Variants in ULK4 observed in about 807,000 individuals in gnomAD.
ULK4 encodes unc-51 like kinase 4, also known as inactive serine/threonine-protein kinase ULK4.
ULK4 carries 133 observed loss-of-function variants against 160.6 expected under a neutral mutation model. That is an observed-to-expected ratio of 0.83 (90% confidence interval 0.72 to 0.96). ULK4 has a LOEUF of 0.96. Ranked by LOEUF, ULK4 falls within the 40% of genes least tolerant of loss-of-function variation. ULK4 has a pLI of 0.00. For synonymous variants in ULK4, 534 were observed against 539.8 expected, an observed-to-expected ratio of 0.99 and a Z score of 0.15; for missense variants, 1,580 against 1,499.5, an observed-to-expected ratio of 1.05 and a Z score of -0.89.
At chr3:41,490,018 G>A (rs551350030) in intron 32 of ULK4, among the ~76,000 whole-genome samples, 6 of 152,222 alleles carry the variant, frequency 3.9e-5, no homozygotes, top group Non-Finnish European at 1.5e-5. Flanking sequence ...TGAAACCTTG[G>A]TGGCAATGCT....
chr3:41,378,005 A>G (rs1301058361), intron 35 of ULK4, among the ~76,000 whole-genome samples: 3 of 151,872 alleles, frequency 2.0e-5, no homozygotes. Flanking sequence ...CTGGATTAAG[A>G]AAATGTGGCA....
chr3:41,862,562 T>G (rs2042524423), intron 17 of ULK4, among the ~76,000 whole-genome samples: 1 of 152,206 alleles, frequency 6.6e-6, no homozygotes, highest in African/African-American at 2.4e-5. Context: ...TTTCGGATAT[T>G]TGAAAGGACT....
At chr3:41,373,872 A>G (rs2081423293) in intron 35 of ULK4, among the ~76,000 whole-genome samples, 1 of 152,218 alleles carries the variant, frequency 6.6e-6, no homozygotes, top group Non-Finnish European at 1.5e-5. Flanking sequence ...AAGATTAACA[A>G]AACAGATGGA....
At chr3:41,689,170 T>G (rs1020141252) in intron 27 of ULK4, among the ~76,000 whole-genome samples, 2 of 152,210 alleles carry the variant, frequency 1.3e-5, no homozygotes, top group African/African-American at 4.8e-5. Context: ...TGCCTTTAAG[T>G]CTCTGCCAAA....
intron 30 of ULK4, among the ~76,000 whole-genome samples, chr3:41,646,832 A>G (rs556200485): frequency 4.7e-4 from 71 of 152,328 alleles, no homozygotes; most frequent in Non-Finnish European, 7.9e-4. Context: ...AGGTACACCA[A>G]TCAGATACAG....
intron 18 of ULK4, among the ~76,000 whole-genome samples, chr3:41,835,382 G>C (rs1278173680): frequency 6.6e-6 from 1 of 152,100 alleles, no homozygotes; most frequent in Non-Finnish European, 1.5e-5. Context: ...ATTTTGGCTT[G>C]TTGAATTCAG....
chr3:41,458,335 G>A (rs1386593527), intron 33 of ULK4, among the ~76,000 whole-genome samples: 2 of 152,098 alleles, frequency 1.3e-5, no homozygotes, highest in Non-Finnish European at 2.9e-5. Flanking sequence ...TTTACATTGC[G>A]AACGTGCAAC....
intron 17 of ULK4, among the ~76,000 whole-genome samples, chr3:41,847,785 C>A (rs2042106315): frequency 6.6e-6 from 1 of 152,104 alleles, no homozygotes; most frequent in South Asian, 2.1e-4. Context: ...CCTTTGGATG[C>A]TGTGTATTTG....
chr3:41,531,823 G>A (rs2086330853), intron 32 of ULK4, among the ~76,000 whole-genome samples: 1 of 152,178 alleles, frequency 6.6e-6, no homozygotes, highest in Non-Finnish European at 1.5e-5. Flanking sequence ...TTCAAAGGTG[G>A]AGTATGCTGC....
chr3:41,763,180 A>C (rs937533090), intron 21 of ULK4, among the ~76,000 whole-genome samples: 14 of 152,336 alleles, frequency 9.2e-5, no homozygotes, highest in Admixed American at 2.6e-4. Context: ...AAATGAAAAA[A>C]TATGCAACCC....
At chr3:41,826,863 T>A (rs544092787) in intron 18 of ULK4, among the ~76,000 whole-genome samples, 6 of 143,532 alleles carry the variant, frequency 4.2e-5, no homozygotes, top group Non-Finnish European at 7.5e-5. Flanking sequence ...TACATTTTTT[T>A]CAGCACCACA....
intron 35 of ULK4, among the ~76,000 whole-genome samples, 160 bp from the exon 36 acceptor site, chr3:41,249,734 C>G (rs1000089182): frequency 2.0e-5 from 3 of 152,130 alleles, no homozygotes; most frequent in African/African-American, 7.2e-5. Context: ...TGCGTAACCT[C>G]CCCCACAGAG....
chr3:41,772,210 A>G (rs1207928637), intron 21 of ULK4, among the ~76,000 whole-genome samples: 1 of 152,214 alleles, frequency 6.6e-6, no homozygotes, highest in Non-Finnish European at 1.5e-5. Flanking sequence ...GCAAGAAATA[A>G]CTATGATCAG....
intron 30 of ULK4, among the ~76,000 whole-genome samples, chr3:41,651,441 A>G (rs1258828867): frequency 2.0e-5 from 3 of 152,150 alleles, no homozygotes; most frequent in Non-Finnish European, 4.4e-5. Flanking sequence ...GTTTAAGTTG[A>G]TTTCCTTGTT....
intron 25 of ULK4, among the ~76,000 whole-genome samples, 184 bp downstream of exon 25, chr3:41,715,053 A>C (rs1468969895): frequency 6.6e-6 from 1 of 152,156 alleles, no homozygotes; most frequent in Admixed American, 6.5e-5. Context: ...TCAGGAGAGA[A>C]TGTGTTTTCT....
chr3:41,717,012 A>G (rs1386857316), intron 23 of ULK4, among the ~76,000 whole-genome samples: 1 of 152,188 alleles, frequency 6.6e-6, no homozygotes, highest in East Asian at 1.9e-4. Flanking sequence ...ATGGCAGTAG[A>G]AAATGGAAAG....
intron 5 of ULK4, 21 bp from the exon 6 acceptor site, chr3:41,919,839 A>G: frequency 6.3e-7 from 1 of 1,575,808 alleles, no homozygotes; most frequent in Non-Finnish European, 8.7e-7. Context: ...AGTATGAAGA[A>G]CAGCTCGGTT....
intron 35 of ULK4, among the ~76,000 whole-genome samples, chr3:41,391,551 CTTCTGA>C (rs758479204): frequency 2.6e-5 from 4 of 151,762 alleles, no homozygotes; most frequent in African/African-American, 7.3e-5. Flanking sequence ...AAGAGTGCCT[CTTCTGA>C]TTCTAAGTTC....
At chr3:41,927,259 C>T (rs200415479) in intron 5 of ULK4, among the ~76,000 whole-genome samples, 23 of 152,082 alleles carry the variant, frequency 1.5e-4, no homozygotes, top group Admixed American at 4.6e-4. Flanking sequence ...GCTTCATAAG[C>T]GAAGGAGAAA....
Sources: gnomAD v4.1 joint callset for allele counts (sites outside exome capture counted in the v4.1 genomes callset) on GRCh38, gnomAD v4.1.1 for gene constraint, MANE v1.5 for transcripts, NCBI Gene and HGNC (gene_info 2026-07-23, HGNC 2026-07-21) for gene names.